The following ADAMTS9 variants were observed in gnomAD, a reference collection of about 807,000 sequenced individuals.
The protein encoded by ADAMTS9 is A disintegrin and metalloproteinase with thrombospondin motifs 9.
In ADAMTS9, 107 loss-of-function variants were observed where a neutral mutation model predicts 257.1. The observed-to-expected ratio is 0.42, with a 90% confidence interval of 0.36 to 0.49. The LOEUF (loss-of-function observed/expected upper bound fraction) is 0.49. Among genes scored for constraint, ADAMTS9 ranks in the 20% least tolerant of loss-of-function variants. The probability of loss-of-function intolerance (pLI) is 0.03; values close to 1 mark genes in which losing one functional copy is unlikely to be tolerated. For synonymous variants in ADAMTS9, 982 were observed against 880.9 expected, an observed-to-expected ratio of 1.11 and a Z score of -2.03; for missense variants, 2,353 against 2,469.1, an observed-to-expected ratio of 0.95 and a Z score of 1.00.
chr3:64,604,835 A>G (rs925335325), intron 23 of ADAMTS9, among the ~76,000 whole-genome samples: 2 of 152,222 alleles, frequency 1.3e-5, no homozygotes, highest in Non-Finnish European at 2.9e-5. Flanking sequence ...CAATTGGCCA[A>G]TGCCTGGACT....
At chr3:64,557,632 T>A (rs953694664) in intron 30 of ADAMTS9, among the ~76,000 whole-genome samples, 8 of 152,122 alleles carry the variant, frequency 5.3e-5, no homozygotes, top group African/African-American at 1.9e-4. Flanking sequence ...GAAGTCTACT[T>A]TGGGATGGCC....
At chr3:64,646,523 C>T (rs773643260) in intron 11 of ADAMTS9, among the ~76,000 whole-genome samples, 7 of 152,108 alleles carry the variant, frequency 4.6e-5, no homozygotes, top group African/African-American at 1.4e-4. Context: ...GAAGCTATTA[C>T]GCTTGTATCC....
intron 38 of ADAMTS9, among the ~76,000 whole-genome samples, chr3:64,527,586 G>T (rs1219621518): frequency 6.6e-6 from 1 of 151,948 alleles, no homozygotes; most frequent in Non-Finnish European, 1.5e-5. Context: ...AATCTGCCTG[G>T]GTCAAGATTA....
At chr3:64,681,533 C>T (rs1204215456) in intron 2 of ADAMTS9, among the ~76,000 whole-genome samples, 170 bp from the exon 3 acceptor site, 1 of 152,234 alleles carries the variant, frequency 6.6e-6, no homozygotes, top group East Asian at 1.9e-4. Context: ...TGGTTTATTT[C>T]CACTCTCTGT....
At chr3:64,625,276 C>A (rs1193175737) in intron 16 of ADAMTS9, among the ~76,000 whole-genome samples, 1 of 152,126 alleles carries the variant, frequency 6.6e-6, no homozygotes, top group Non-Finnish European at 1.5e-5. Context: ...GAGGAGTGGA[C>A]AAGATGTCTT....
At chr3:64,551,794 T>G (rs2083275006) in intron 30 of ADAMTS9, among the ~76,000 whole-genome samples, 1 of 152,198 alleles carries the variant, frequency 6.6e-6, no homozygotes, top group African/African-American at 2.4e-5. Context: ...TCTTTGTATG[T>G]TCCAGGCCCC....
Position 64,686,242 on chromosome 3 carries a change from G to T in ADAMTS9, c.516+326C>A, listed in dbSNP as rs555904030. Among the ~76,000 whole-genome samples, 251 of 152,358 alleles carry T rather than the reference G, an allele frequency of 1.6e-3. 2 individuals carry two copies. Among genetic ancestry groups the T allele is most frequent in the African/African-American group, 5.8e-3 (240 of 41,590 alleles). On this transcript the variant is annotated intron_variant, in intron 2 of 39. Transcript: ENST00000498707. The surrounding 1 kb of genome is among the most constrained non-coding windows in gnomAD (Gnocchi z 4.6). ...GTGGCCAAGTTTGCTGCAGGGAACC[G>T]CAACTCCAGTAACTTTCTCCGAGTT... is the stretch of plus-strand genomic sequence containing the variant.
chr3:64,654,776 G>C (rs1335282123), intron 6 of ADAMTS9, 164 bp from the exon 7 acceptor site: 3 of 672,948 alleles, frequency 4.5e-6, no homozygotes, highest in Non-Finnish European at 7.5e-6. Context: ...AAAAATTTTT[G>C]GAATTGTTGA....
At chr3:64,589,772 A>G (rs2084225734) in intron 28 of ADAMTS9, 1 of 152,136 alleles carries the variant, frequency 6.6e-6, no homozygotes, top group East Asian at 1.9e-4. Context: ...TTTATGATTT[A>G]GGTATTTTTT....
chr3:64,591,849 G>A (rs569491924), intron 28 of ADAMTS9, among the ~76,000 whole-genome samples: 49 of 152,108 alleles, frequency 3.2e-4, no homozygotes, highest in Non-Finnish European at 6.5e-4. Context: ...TGCTACCCTT[G>A]GTCCCTAATA....
At chr3:64,567,001 A>T (rs895471447) in intron 29 of ADAMTS9, among the ~76,000 whole-genome samples, 2 of 150,030 alleles carry the variant, frequency 1.3e-5, no homozygotes, top group Admixed American at 6.6e-5. Flanking sequence ...CTGGGTATAG[A>T]TTTTTTTTTT....
At chr3:64,679,240 A>AT (rs1028776432) in intron 3 of ADAMTS9, among the ~76,000 whole-genome samples, 31 of 152,242 alleles carry the variant, frequency 2.0e-4, no homozygotes, top group Non-Finnish European at 4.0e-4. Flanking sequence ...AACCTTGAAG[A>AT]TTTTTTTGAA....
chr3:64,543,879 A>G (rs1264506487), intron 32 of ADAMTS9, among the ~76,000 whole-genome samples: 1 of 152,236 alleles, frequency 6.6e-6, no homozygotes. Context: ...CCATCGTCTC[A>G]GCCCAAAATC....
intron 39 of ADAMTS9, 149 bp downstream of exon 39, chr3:64,522,017 A>T: frequency 1.6e-6 from 1 of 630,244 alleles, no homozygotes; most frequent in African/African-American, 1.8e-5. Flanking sequence ...GTGAGGACAG[A>T]GGAGCAGGAG....
chr3:64,593,961 ATG>A (rs200112357), intron 28 of ADAMTS9, among the ~76,000 whole-genome samples: 5,484 of 108,180 alleles, frequency 0.051, 109 homozygotes, highest in East Asian at 0.065. Flanking sequence ...TGTGTGTATG[ATG>A]TGTGTGTGTG....
At chr3:64,529,982 A>ATTTTTTTTT (rs200385291) in intron 38 of ADAMTS9, among the ~76,000 whole-genome samples, 9 of 106,472 alleles carry the variant, frequency 8.5e-5, no homozygotes, top group African/African-American at 1.4e-4. Flanking sequence ...CAGTTATTTA[A>ATTTTTTTTT]TTTTTTTTTT....
chr3:64,554,500 G>C (rs1446689188), intron 30 of ADAMTS9, among the ~76,000 whole-genome samples: 2 of 151,910 alleles, frequency 1.3e-5, no homozygotes, highest in Non-Finnish European at 2.9e-5. Context: ...TTGTAATATG[G>C]CTTCCCCCTC....
chr3:64,657,987 G>A (rs983223920), intron 4 of ADAMTS9, among the ~76,000 whole-genome samples: 5 of 152,170 alleles, frequency 3.3e-5, no homozygotes, highest in African/African-American at 1.2e-4. Flanking sequence ...CTGGGGAAGA[G>A]GCTATTTTTA....
intron 26 of ADAMTS9, among the ~76,000 whole-genome samples, chr3:64,598,063 G>A (rs2084395524): frequency 6.6e-6 from 1 of 152,152 alleles, no homozygotes; most frequent in African/African-American, 2.4e-5. Context: ...GTATCAAGAT[G>A]TGAATACATT....
Sources: allele counts gnomAD v4.1 joint callset (sites outside exome capture counted in the v4.1 genomes callset), GRCh38; gene constraint gnomAD v4.1.1; non-coding constraint Gnocchi (gnomAD v3.1); transcripts MANE v1.5; gene names NCBI Gene and HGNC (gene_info 2026-07-23, HGNC 2026-07-21).